DNAJC1: variants seen among roughly 807,000 people sequenced by gnomAD.
The protein encoded by DNAJC1 is DnaJ heat shock protein family (Hsp40) member C1.
In DNAJC1, 58 loss-of-function variants were observed where a neutral mutation model predicts 76.6. The observed-to-expected ratio is 0.76, with a 90% CI of 0.61 to 0.94. The LOEUF is 0.94. Ranked by LOEUF, DNAJC1 falls within the 40% of genes least tolerant of loss-of-function variation. DNAJC1 has a pLI of 0.00. For missense variants in DNAJC1, 689 were observed against 677.3 expected (o/e 1.02, Z -0.19); for synonymous variants, 258 against 267.9 (o/e 0.96, Z 0.36).
intron 8 of DNAJC1, among the ~76,000 whole-genome samples, chr10:21,822,125 T>C (rs1232361830): frequency 6.6e-6 from 1 of 152,186 alleles, no homozygotes; most frequent in Non-Finnish European, 1.5e-5. Flanking sequence ...TTTTGTTATA[T>C]TCTCTTAGAA....
intron 8 of DNAJC1, among the ~76,000 whole-genome samples, chr10:21,842,923 T>G (rs994100634): frequency 6.6e-6 from 1 of 152,202 alleles, no homozygotes; most frequent in African/African-American, 2.4e-5. Context: ...TGTTCTCAAA[T>G]GTATCCCCTG....
intron 8 of DNAJC1, among the ~76,000 whole-genome samples, chr10:21,861,554 C>T (rs1050655074): frequency 6.6e-6 from 1 of 152,088 alleles, no homozygotes; most frequent in African/African-American, 2.4e-5. Flanking sequence ...ACAGTTAAGG[C>T]ATTCTAAGTC....
intron 9 of DNAJC1, among the ~76,000 whole-genome samples, chr10:21,795,491 T>G (rs1330102050): frequency 1.3e-5 from 2 of 152,008 alleles, no homozygotes; most frequent in East Asian, 3.9e-4. Flanking sequence ...ACTGTTAAGA[T>G]TCCATTTAAA....
intron 8 of DNAJC1, among the ~76,000 whole-genome samples, chr10:21,823,633 T>TAAGTA (rs1243688344): frequency 6.6e-6 from 1 of 151,932 alleles, no homozygotes; most frequent in Non-Finnish European, 1.5e-5. Context: ...TACTTACATA[T>TAAGTA]AAACCAAGGG....
intron 1 of DNAJC1, among the ~76,000 whole-genome samples, chr10:21,988,382 T>C (rs760543745): frequency 6.6e-6 from 1 of 152,102 alleles, no homozygotes; most frequent in Non-Finnish European, 1.5e-5. Flanking sequence ...AGGCATATAA[T>C]AATAATTAAA....
chr10:21,798,070 A>G lies in DNAJC1; in HGVS notation c.1098+7910T>C, dbSNP rs146132912. On this transcript the variant is annotated intron_variant, in intron 9 of 11. Coordinates refer to ENST00000376980, the MANE Select transcript of DNAJC1 (RefSeq NM_022365.4). ...ACACAAGGTCTTATGACAGAAAACA[A>G]TGCACCTTACACACACAGGCAATCA... Among the ~76,000 whole-genome samples, 60 of 152,354 alleles carry G rather than the reference A, an allele frequency of 3.9e-4. No homozygotes were observed. In the East Asian group the frequency reaches 0.011, roughly 28 times the overall value.
chr10:21,917,550 A>AT lies in DNAJC1; in HGVS notation c.729+1228dup, dbSNP rs575039799. The stretch of plus-strand genomic sequence containing the variant: ...AAATAAGAAAATCTGCCCTAAAAAT[A>AT]TTTTCTGCCTCATTTTCTCATAAAC... On this transcript the variant is annotated intron_variant, in intron 6 of 11. Transcript: ENST00000376980. 2.3e-3 allele frequency among the ~76,000 whole-genome samples: 345 copies of AT among 152,128 alleles called. 3 individuals carry two copies. The highest frequency in any genetic ancestry group is 7.8e-3 in the African/African-American group (325 of 41,552).
intron 1 of DNAJC1, among the ~76,000 whole-genome samples, chr10:21,962,913 CCT>C (rs1318725644): frequency 1.3e-5 from 2 of 152,004 alleles, no homozygotes; most frequent in African/African-American, 4.8e-5. Context: ...AGGAACTTAT[CCT>C]CTGTTTTCTT....
At chr10:21,805,626 T>TA (rs1375099116) in intron 9 of DNAJC1, among the ~76,000 whole-genome samples, 1 of 152,170 alleles carries the variant, frequency 6.6e-6, no homozygotes, top group Non-Finnish European at 1.5e-5. Context: ...ACTTCAATGT[T>TA]AAAAAGATCC....
rs530688950 is a variant in DNAJC1 at position 21,949,214 on chromosome 10, C to T, written c.223-20073G>A. ...CAATTTTCTTCCTTCGCATTACATA[C>T]CTATGAGAACCAGAAATAAATTGTT... On this transcript the variant is annotated intron_variant, in intron 1 of 11. Transcript: ENST00000376980. 7.4e-4 allele frequency among the ~76,000 whole-genome samples: 113 copies of T among 152,138 alleles called. 1 individual carries two copies. Among genetic ancestry groups the T allele is most frequent in the Middle Eastern group, 3.4e-3 (1 of 294 alleles).
chr10:21,999,081 C>T (rs989183133), intron 1 of DNAJC1, among the ~76,000 whole-genome samples: 1 of 152,184 alleles, frequency 6.6e-6, no homozygotes, highest in African/African-American at 2.4e-5. Context: ...GAAGATGCCA[C>T]AGACAGTCAC....
At chr10:21,902,666 T>C (rs930470461) in intron 7 of DNAJC1, among the ~76,000 whole-genome samples, 6 of 152,174 alleles carry the variant, frequency 3.9e-5, no homozygotes, top group South Asian at 2.1e-4. Context: ...ACAAAAGTCA[T>C]TGGACAATTT....
Position 21,845,362 on chromosome 10 carries a change from T to C in DNAJC1, c.978+36920A>G, listed in dbSNP as rs759774597. Among the ~76,000 whole-genome samples the C allele has an allele frequency of 4.6e-3, 698 of 152,016 alleles. 2 individuals carry two copies. Among genetic ancestry groups the C allele is most frequent in the Middle Eastern group, 0.017 (5 of 294 alleles). ...AACTACATAAAAATTAGAACTTTTT[T>C]TTTTTTTTTTGAGACTGGGTCTTGT... On this transcript the variant is annotated intron_variant, in intron 8 of 11. Transcript: ENST00000376980.
chr10:21,906,581 A>C (rs1836749899), intron 6 of DNAJC1, among the ~76,000 whole-genome samples: 1 of 152,154 alleles, frequency 6.6e-6, no homozygotes, highest in Non-Finnish European at 1.5e-5. Flanking sequence ...TATTTATGAG[A>C]GGTAAAAGAA....
rs555439730 is a variant in DNAJC1 at position 21,970,435 on chromosome 10, G to A, written c.222+32778C>T. On this transcript the variant is annotated intron_variant, in intron 1 of 11. Transcript: ENST00000376980. ...AACCAAAAAATTTAAAAATAGCACT[G>A]GAACCAGAAACCAAATAGAAGCAGG... Among the ~76,000 whole-genome samples the A allele has an allele frequency of 2.2e-4, 33 of 151,968 alleles. 1 individual carries two copies. The highest frequency in any genetic ancestry group is 1.8e-3 in the Admixed American group (27 of 15,270).
At chr10:21,804,941 A>G (rs974738222) in intron 9 of DNAJC1, among the ~76,000 whole-genome samples, 4 of 152,130 alleles carry the variant, frequency 2.6e-5, no homozygotes, top group African/African-American at 7.2e-5. Context: ...TTGAGCGCCA[A>G]CGTGACGGAT....
At chr10:21,949,577 C>G (rs559165407) in intron 1 of DNAJC1, among the ~76,000 whole-genome samples, 3 of 151,674 alleles carry the variant, frequency 2.0e-5, no homozygotes, top group South Asian at 2.1e-4. Flanking sequence ...CCACCATGCC[C>G]GGCTAATTTT....
intron 8 of DNAJC1, among the ~76,000 whole-genome samples, chr10:21,848,091 T>C (rs1835689946): frequency 6.6e-6 from 1 of 152,210 alleles, no homozygotes; most frequent in South Asian, 2.1e-4. Flanking sequence ...CTATTAGTGT[T>C]TCCCTTTCTC....
At chr10:21,870,996 G>C (rs942676513) in intron 8 of DNAJC1, among the ~76,000 whole-genome samples, 2 of 151,958 alleles carry the variant, frequency 1.3e-5, no homozygotes, top group African/African-American at 4.8e-5. Flanking sequence ...GAAATTATTT[G>C]TTCTGTCCTG....
Sources: gnomAD v4.1 joint callset for allele counts (sites outside exome capture counted in the v4.1 genomes callset) on GRCh38, gnomAD v4.1.1 for gene constraint, MANE v1.5 for transcripts, NCBI Gene and HGNC (gene_info 2026-07-23, HGNC 2026-07-21) for gene names.